Variants in OTUD4 observed in about 807,000 individuals in gnomAD.
OTUD4 encodes the protein OTU deubiquitinase 4.
Under a neutral mutation model 130.4 loss-of-function variants are expected in OTUD4, and 24 were observed. The ratio of observed to expected loss-of-function variants is 0.18; its 90% CI spans 0.13 to 0.26. OTUD4 has a LOEUF of 0.26. OTUD4 is among the 10% of genes least tolerant of loss of function. The probability of loss-of-function intolerance (pLI) is 1.00; values close to 1 mark genes in which losing one functional copy is unlikely to be tolerated. For synonymous variants in OTUD4, 420 were observed against 472.5 expected, an observed-to-expected ratio of 0.89 and a Z score of 1.44; for missense variants, 1,031 against 1,329.4, an observed-to-expected ratio of 0.78 and a Z score of 3.49.
chr4:145,138,351 C>T lies in OTUD4; in HGVS notation c.2424G>A (p.Leu808=). Residue 808 remains leucine (L), a synonymous_variant, in exon 21 of 21, where the codon TTG becomes TTA. Transcript: ENST00000447906. The part of the protein sequence containing the change: ...PSQVSESHGQ[L]SYQADLESET... ...CAGATTCAAGATCAGCCTGGTAAGACAATTGTCCATGACTTTCAGACACCT... is the reference window on the plus strand; with the variant it reads ...CAGATTCAAGATCAGCCTGGTAAGATAATTGTCCATGACTTTCAGACACCT... 1 of 1,614,164 alleles carries T rather than the reference C, an allele frequency of 6.2e-7. No homozygotes were observed. The highest frequency in any genetic ancestry group is 8.5e-7 in the Non-Finnish European group (1 of 1,180,002).
intron 10 of OTUD4, among the ~76,000 whole-genome samples, chr4:145,154,609 A>G (rs1164760057): frequency 6.6e-6 from 1 of 152,214 alleles, no homozygotes; most frequent in Non-Finnish European, 1.5e-5. Context: ...ATGAAGAACA[A>G]AAAACAAGAA....
At chr4:145,164,015 C>G (rs1390319631) in intron 5 of OTUD4, 139 bp downstream of exon 5, 15 of 532,446 alleles carry the variant, frequency 2.8e-5, no homozygotes, top group Non-Finnish European at 5.1e-5. Flanking sequence ...GCTATAGGAA[C>G]TTTTAAGAAA....
chr4:145,170,258 C>T (rs1010728723), intron 3 of OTUD4, among the ~76,000 whole-genome samples: 3 of 152,236 alleles, frequency 2.0e-5, no homozygotes, highest in African/African-American at 7.2e-5. Context: ...AAAGCATAAG[C>T]TCCAAACCAC....
In OTUD4 at chr4:145,180,042, G is replaced by T; in HGVS notation, c.-69C>A. 2.4e-6 allele frequency: 3 copies of T among 1,240,718 alleles called. No individual in the cohort carries two copies. Among genetic ancestry groups the T allele is most frequent in the Middle Eastern group, 3.2e-4 (1 of 3,122 alleles). 76.9% of individuals were successfully genotyped at this position (1,240,718 alleles called of 1,614,324 possible). On this transcript the variant is annotated 5_prime_UTR_variant, in exon 1 of 21. Transcript: ENST00000447906. ...CACATGGCCAGGCCGCCGGCTGCTC[G>T]ACGCCCCGGCCTGGGGCAGGCGGCG...
intron 3 of OTUD4, 41 bp from the exon 4 acceptor site, chr4:145,165,238 CTTTTTA>C: frequency 7.4e-7 from 1 of 1,353,148 alleles, no homozygotes; most frequent in Non-Finnish European, 1.0e-6. Flanking sequence ...GTGTCTCACA[CTTTTTA>C]GATTCCACTT....
chr4:145,152,715 GTTCT>G (rs1751121518), intron 10 of OTUD4, 80 bp from the exon 11 acceptor site: 11 of 780,222 alleles, frequency 1.4e-5, no homozygotes, highest in South Asian at 1.2e-4. Context: ...GTTTTTTGCG[GTTCT>G]TTTTTTTTTT....
intron 2 of OTUD4, 46 bp downstream of exon 2, chr4:145,174,615 T>A (rs368714603): frequency 2.6e-4 from 293 of 1,121,430 alleles, no homozygotes; most frequent in Admixed American, 4.7e-4. Context: ...AGCCAAAATG[T>A]AAAACCAAGT....
Position 145,144,390 on chromosome 4 carries a change from A to G in OTUD4, c.1467T>C (p.Cys489=). 6.2e-7 allele frequency: 1 copy of G among 1,612,692 alleles called. No homozygotes were observed. Among genetic ancestry groups the G allele is most frequent in the Non-Finnish European group, 8.5e-7 (1 of 1,179,214 alleles). The part of the protein sequence containing the change: ...NQSASQSSNP[C]VQRKSSHVGD... The stretch of plus-strand genomic sequence containing the variant: ...CTACATGTGATGATTTTCTCTGGAC[A>G]CATGGATTGCTACTCTGAGAAGCTG... Residue 489 remains cysteine, a synonymous_variant, in exon 15 of 21, where the codon TGT becomes TGC. Transcript: ENST00000447906.
intron 13 of OTUD4, among the ~76,000 whole-genome samples, chr4:145,147,533 G>A (rs535759104): frequency 2.0e-5 from 3 of 152,050 alleles, no homozygotes; most frequent in Non-Finnish European, 4.4e-5. Context: ...CTACTATATG[G>A]CCTTCATCTC....
intron 17 of OTUD4, 67 bp downstream of exon 17, chr4:145,143,298 C>A: frequency 1.0e-6 from 1 of 963,536 alleles, no homozygotes; most frequent in Non-Finnish European, 1.6e-6. Context: ...TTTTAAATGA[C>A]CCTATACACA....
intron 3 of OTUD4, 54 bp from the exon 4 acceptor site, chr4:145,165,251 A>C: frequency 2.6e-6 from 3 of 1,170,318 alleles, no homozygotes; most frequent in Non-Finnish European, 3.8e-6. Context: ...TTTAGATTCC[A>C]CTTTATATTT....
At chr4:145,140,867 C>T (rs906109877) in intron 19 of OTUD4, among the ~76,000 whole-genome samples, 9 of 151,944 alleles carry the variant, frequency 5.9e-5, no homozygotes, top group Non-Finnish European at 1.2e-4. Flanking sequence ...ATGCTAGAAA[C>T]AAAAAAAAAT....
At chr4:145,142,078 G>A (rs1300057062) in intron 18 of OTUD4, 118 bp downstream of exon 18, 3 of 813,920 alleles carry the variant, frequency 3.7e-6, no homozygotes, top group Non-Finnish European at 6.1e-6. Flanking sequence ...ATCACAGAAA[G>A]CTCTGTGAGG....
chr4:145,160,354 A>C (rs775408787), intron 6 of OTUD4, among the ~76,000 whole-genome samples: 16 of 152,362 alleles, frequency 1.1e-4, no homozygotes, highest in East Asian at 9.6e-4. Flanking sequence ...TGAAAGAAAG[A>C]AGCATATTTA....
chr4:145,176,445 G>A (rs1258660889), intron 1 of OTUD4, among the ~76,000 whole-genome samples: 2 of 151,572 alleles, frequency 1.3e-5, no homozygotes, highest in East Asian at 3.9e-4. Context: ...CAGCACTTTG[G>A]GAGGCCGAGG....
intron 2 of OTUD4, 74 bp from the exon 3 acceptor site, chr4:145,171,794 C>T (rs908585518): frequency 1.3e-5 from 10 of 758,670 alleles, no homozygotes; most frequent in Non-Finnish European, 2.1e-5. Flanking sequence ...GCTGTGTAAA[C>T]ATTCACTGTG....
chr4:145,149,133 G>A (rs1750956863), intron 13 of OTUD4, among the ~76,000 whole-genome samples: 1 of 152,104 alleles, frequency 6.6e-6, no homozygotes, highest in Non-Finnish European at 1.5e-5. Flanking sequence ...ACTGAATAGG[G>A]TAGGACCTAA....
chr4:145,140,135 C>T (rs1337398051), intron 19 of OTUD4, 144 bp from the exon 20 acceptor site: 1 of 352,636 alleles, frequency 2.8e-6, no homozygotes, highest in Non-Finnish European at 5.2e-6. Context: ...TAGATAAAAA[C>T]TGTAATATAA....
chr4:145,141,738 CCA>C, intron 18 of OTUD4, 99 bp from the exon 19 acceptor site: 1 of 1,108,430 alleles, frequency 9.0e-7, no homozygotes, highest in Non-Finnish European at 1.3e-6. Context: ...ACTGATAAAG[CCA>C]ATCTAAAGTA....
Sources: allele counts gnomAD v4.1 joint callset (sites outside exome capture counted in the v4.1 genomes callset), GRCh38; gene constraint gnomAD v4.1.1; transcripts MANE v1.5; gene names NCBI Gene and HGNC (gene_info 2026-07-23, HGNC 2026-07-21).